CHSY3: variants seen among roughly 807,000 people sequenced by gnomAD.
The protein encoded by CHSY3 is chondroitin sulfate synthase 3.
A neutral mutation model predicts 67.2 loss-of-function variants in CHSY3; 35 were observed. The ratio of observed to expected loss-of-function variants is 0.52; its 90% CI spans 0.40 to 0.69. The LOEUF (loss-of-function observed/expected upper bound fraction) is 0.69. Among genes scored for constraint, CHSY3 ranks in the 30% least tolerant of loss-of-function variants. The pLI is 0.00. For missense variants in CHSY3, 1,069 were observed against 1,138.5 expected (o/e 0.94, Z 0.88); for synonymous variants, 474 against 434.7 (o/e 1.09, Z -1.12).
chr5:130,142,051 T>C (rs1415182544), intron 2 of CHSY3: 1 of 171,376 alleles, frequency 5.8e-6, no homozygotes, highest in African/African-American at 2.4e-5. Flanking sequence ...TGAGCTGCAG[T>C]AGTTAACTAC....
chr5:130,042,315 A>G (rs1251373194), intron 2 of CHSY3, among the ~76,000 whole-genome samples: 1 of 152,162 alleles, frequency 6.6e-6, no homozygotes, highest in Non-Finnish European at 1.5e-5. Flanking sequence ...AATTTATTAT[A>G]GCATAGCAGC....
chr5:130,094,184 G>C (rs906394458), intron 2 of CHSY3, among the ~76,000 whole-genome samples: 1 of 151,982 alleles, frequency 6.6e-6, no homozygotes, highest in African/African-American at 2.4e-5. Context: ...GAGAGAGAAG[G>C]CTGGTATTTT....
intron 2 of CHSY3, among the ~76,000 whole-genome samples, chr5:130,046,290 A>G (rs1337999097): frequency 6.6e-6 from 1 of 152,138 alleles, no homozygotes; most frequent in Non-Finnish European, 1.5e-5. Flanking sequence ...AGACTGATTT[A>G]TAACCAAATA....
At chr5:130,087,938 G>T (rs2149690559) in intron 2 of CHSY3, among the ~76,000 whole-genome samples, 1 of 152,144 alleles carries the variant, frequency 6.6e-6, no homozygotes, top group East Asian at 1.9e-4. Flanking sequence ...GAACAAAGCT[G>T]GAGGCATCAC....
At chr5:130,123,048 G>A (rs922710103) in intron 2 of CHSY3, among the ~76,000 whole-genome samples, 12 of 148,452 alleles carry the variant, frequency 8.1e-5, no homozygotes, top group Admixed American at 6.1e-4. Flanking sequence ...GAATTAGGAG[G>A]TATGACCCCT....
At chr5:130,022,006 G>C (rs1257014440) in intron 2 of CHSY3, among the ~76,000 whole-genome samples, 1 of 152,014 alleles carries the variant, frequency 6.6e-6, no homozygotes, top group African/African-American at 2.4e-5. Context: ...TTCTTTATTT[G>C]TATGAATGAA....
At chr5:129,931,201 G>C (rs1426051469) in intron 2 of CHSY3, among the ~76,000 whole-genome samples, 3 of 151,912 alleles carry the variant, frequency 2.0e-5, no homozygotes, top group African/African-American at 7.3e-5. Flanking sequence ...TGTTAGTGTT[G>C]TCCTACAACC....
chr5:129,941,624 A>G (rs931050161), intron 2 of CHSY3, among the ~76,000 whole-genome samples: 1 of 152,186 alleles, frequency 6.6e-6, no homozygotes. Context: ...AGTGTCTGTC[A>G]GGGGAAAAAC....
At position 129,908,058 on chromosome 5, in the gene CHSY3, G is replaced by A. The variant is rs1760383246; in HGVS notation, c.803-19G>A. ...TATGAAATAAGGAGACATAGTAATT[G>A]TTGCCTTTCTTTTTGTAGGTGATAA... On this transcript the variant is annotated intron_variant, in intron 1 of 2. Transcript: ENST00000305031. 1.2e-6 allele frequency: 2 copies of A among 1,605,160 alleles called. No homozygotes were observed. The highest frequency in any genetic ancestry group is 2.7e-5 in the African/African-American group (2 of 74,356).
intron 2 of CHSY3, among the ~76,000 whole-genome samples, chr5:130,079,264 C>T (rs532563744): frequency 6.6e-6 from 1 of 152,030 alleles, no homozygotes; most frequent in African/African-American, 2.4e-5. Context: ...TTAGACCTGA[C>T]TTGTATTGCT....
chr5:130,123,123 C>T (rs2149709745), intron 2 of CHSY3, among the ~76,000 whole-genome samples: 1 of 151,434 alleles, frequency 6.6e-6, no homozygotes. Context: ...AAAAACATTT[C>T]CATCGGATAT....
intron 2 of CHSY3, chr5:130,001,768 A>G: frequency 2.4e-6 from 2 of 829,990 alleles, no homozygotes; most frequent in East Asian, 1.2e-4. Context: ...TATTCTGAAC[A>G]TGCCCTCGCT....
At chr5:129,933,464 A>C (rs1761382083) in intron 2 of CHSY3, among the ~76,000 whole-genome samples, 1 of 151,168 alleles carries the variant, frequency 6.6e-6, no homozygotes, top group African/African-American at 2.4e-5. Flanking sequence ...TTTTAATAAC[A>C]AATTTCTAAA....
At chr5:130,024,836 C>T (rs1247727962) in intron 2 of CHSY3, among the ~76,000 whole-genome samples, 2 of 152,066 alleles carry the variant, frequency 1.3e-5, no homozygotes, top group African/African-American at 4.8e-5. Context: ...GGTAATAGGA[C>T]AATTCTAAAG....
At chr5:130,041,332 T>C (rs1177221068) in intron 2 of CHSY3, among the ~76,000 whole-genome samples, 1 of 152,104 alleles carries the variant, frequency 6.6e-6, no homozygotes, top group Non-Finnish European at 1.5e-5. Flanking sequence ...AATGGTTTCC[T>C]GACACTCTGT....
intron 2 of CHSY3, among the ~76,000 whole-genome samples, chr5:130,101,471 T>A (rs1431139947): frequency 6.6e-6 from 1 of 152,086 alleles, no homozygotes; most frequent in East Asian, 1.9e-4. Flanking sequence ...TGTTTTTAAA[T>A]GACAAAAATT....
At chr5:130,042,541 A>G (rs1765033992) in intron 2 of CHSY3, among the ~76,000 whole-genome samples, 1 of 152,150 alleles carries the variant, frequency 6.6e-6, no homozygotes, top group African/African-American at 2.4e-5. Flanking sequence ...TGCACATATG[A>G]AACTATTTCA....
chr5:129,964,936 A>G (rs1041540360), intron 2 of CHSY3, among the ~76,000 whole-genome samples: 2 of 151,880 alleles, frequency 1.3e-5, no homozygotes, highest in Non-Finnish European at 2.9e-5. Flanking sequence ...ATACCAGTAC[A>G]TTATTTGAAA....
At chr5:130,099,513 T>C (rs1043075940) in intron 2 of CHSY3, among the ~76,000 whole-genome samples, 1 of 152,228 alleles carries the variant, frequency 6.6e-6, no homozygotes, top group African/African-American at 2.4e-5. Flanking sequence ...CCCCCGTCTT[T>C]ATAAGTGAAT....
Sources: allele counts gnomAD v4.1 joint callset (sites outside exome capture counted in the v4.1 genomes callset), GRCh38; gene constraint gnomAD v4.1.1; transcripts MANE v1.5; gene names NCBI Gene and HGNC (gene_info 2026-07-23, HGNC 2026-07-21).